Variants in PPP2R3A observed in about 807,000 individuals in gnomAD.
PPP2R3A encodes the protein serine/threonine-protein phosphatase 2A regulatory subunit B'' subunit alpha.
Under a neutral mutation model 106.9 loss-of-function variants are expected in PPP2R3A, and 80 were observed. The ratio of observed to expected loss-of-function variants is 0.75; its 90% CI spans 0.62 to 0.90. The LOEUF (loss-of-function observed/expected upper bound fraction) is 0.90, where lower values mean the gene tolerates loss of function less well. Ranked by LOEUF, PPP2R3A falls within the 40% of genes least tolerant of loss-of-function variation. The probability of loss-of-function intolerance (pLI) is 0.00; values close to 1 mark genes in which losing one functional copy is unlikely to be tolerated. For synonymous variants in PPP2R3A, 483 were observed against 468.3 expected (o/e 1.03, Z -0.41); for missense variants, 1,386 against 1,350.4 (o/e 1.03, Z -0.41).
intron 2 of PPP2R3A, among the ~76,000 whole-genome samples, chr3:136,015,761 A>C (rs1289096409): frequency 6.6e-6 from 1 of 151,076 alleles, no homozygotes; most frequent in African/African-American, 2.4e-5. Context: ...TTTTCAAAGA[A>C]CCAGCTTTTT....
intron 2 of PPP2R3A, among the ~76,000 whole-genome samples, chr3:136,025,449 C>G (rs1314210439): frequency 6.6e-6 from 1 of 151,974 alleles, no homozygotes; most frequent in South Asian, 2.1e-4. Context: ...AATATATGAG[C>G]AGACTCCATT....
intron 3 of PPP2R3A, among the ~76,000 whole-genome samples, chr3:136,039,536 A>G (rs778024756): frequency 1.3e-5 from 2 of 152,128 alleles, no homozygotes; most frequent in Non-Finnish European, 2.9e-5. Context: ...CATGCGTTAG[A>G]TAGAGTGCAC....
intron 6 of PPP2R3A, among the ~76,000 whole-genome samples, chr3:136,075,450 T>C (rs1936563194): frequency 6.6e-6 from 1 of 152,208 alleles, no homozygotes; most frequent in Non-Finnish European, 1.5e-5. Flanking sequence ...GAATCAGTGA[T>C]GTGGAAACCA....
intron 1 of PPP2R3A, among the ~76,000 whole-genome samples, chr3:135,976,631 T>C (rs1937429300): frequency 6.6e-6 from 1 of 152,200 alleles, no homozygotes; most frequent in Non-Finnish European, 1.5e-5. Context: ...AAAAATGGCA[T>C]ATTTCCTCCA....
intron 4 of PPP2R3A, among the ~76,000 whole-genome samples, chr3:136,047,264 C>T (rs189668944): frequency 1.8e-4 from 27 of 152,298 alleles, no homozygotes; most frequent in Non-Finnish European, 2.8e-4. Flanking sequence ...ACAGAGTTTA[C>T]ATTTCAATCC....
rs183444039 is a variant in PPP2R3A, at chr3:136,084,411, G to A, written c.2788+1990G>A. Among the ~76,000 whole-genome samples the A allele has an allele frequency of 1.6e-4, 25 of 152,348 alleles. No individual in the cohort carries two copies. The East Asian group carries it at 4.6e-3, about 28-fold the overall frequency. ...TGGGAACCTCCACCTAGATTTCAGA[G>A]GATGTATAAAAACACCTGGATGTCC... On this transcript the variant is annotated intron_variant, in intron 8 of 13. Transcript: ENST00000264977.
chr3:136,141,610 C>T (rs1172759846), intron 13 of PPP2R3A, among the ~76,000 whole-genome samples: 1 of 152,166 alleles, frequency 6.6e-6, no homozygotes, highest in East Asian at 1.9e-4. Flanking sequence ...AGTGAATAAT[C>T]AGAAAACCTG....
At chr3:136,140,459 A>C (rs1352806095) in intron 13 of PPP2R3A, among the ~76,000 whole-genome samples, 1 of 150,960 alleles carries the variant, frequency 6.6e-6, no homozygotes, top group Non-Finnish European at 1.5e-5. Context: ...AAAAAAAAAA[A>C]AAAAACCCGG....
chr3:135,999,434 A>G (rs1160523506), intron 1 of PPP2R3A, among the ~76,000 whole-genome samples: 1 of 152,202 alleles, frequency 6.6e-6, no homozygotes, highest in Non-Finnish European at 1.5e-5. Context: ...ATTAGATTCC[A>G]TGTCTAAGAT....
chr3:136,015,037 A>C (rs901797311), intron 2 of PPP2R3A, among the ~76,000 whole-genome samples: 4 of 152,100 alleles, frequency 2.6e-5, no homozygotes, highest in South Asian at 2.1e-4. Flanking sequence ...TCATAAAGGG[A>C]TGCTGGATTT....
intron 13 of PPP2R3A, among the ~76,000 whole-genome samples, chr3:136,108,518 A>G (rs372301296): frequency 3.5e-4 from 53 of 152,304 alleles, no homozygotes; most frequent in African/African-American, 1.0e-3. Context: ...AAAAGAATAT[A>G]TGAAATAGTA....
At chr3:136,107,431 CTTTTTTTTTTTTTTTT>C (rs11324496) in intron 13 of PPP2R3A, among the ~76,000 whole-genome samples, 4 of 71,428 alleles carry the variant, frequency 5.6e-5, no homozygotes, top group Non-Finnish European at 7.6e-5. Context: ...TACATGAATT[CTTTTTTTTTTTTTTTT>C]TTTTTTTTGA....
chr3:136,122,912 A>G (rs899700212), intron 13 of PPP2R3A, among the ~76,000 whole-genome samples: 3 of 152,234 alleles, frequency 2.0e-5, no homozygotes, highest in African/African-American at 7.2e-5. Flanking sequence ...AATTATAAAA[A>G]TTTAAATTGA....
At chr3:136,112,833 AT>A (rs1446855233) in intron 13 of PPP2R3A, among the ~76,000 whole-genome samples, 1 of 152,144 alleles carries the variant, frequency 6.6e-6, no homozygotes, top group Non-Finnish European at 1.5e-5. Flanking sequence ...GAAAAAAACT[AT>A]TACAAAATTC....
At chr3:136,126,096 C>T (rs12695644) in intron 13 of PPP2R3A, among the ~76,000 whole-genome samples, 37,063 of 152,110 alleles carry the variant, frequency 0.24, 4,796 homozygotes, top group Non-Finnish European at 0.27. Context: ...GGGTGATTTC[C>T]GCATTTCCAA....
intron 3 of PPP2R3A, among the ~76,000 whole-genome samples, chr3:136,040,330 G>T (rs919264366): frequency 2.6e-5 from 4 of 152,082 alleles, no homozygotes; most frequent in Non-Finnish European, 5.9e-5. Context: ...ATTTGAGATC[G>T]GAAGGTCAAG....
At position 136,002,260 on chromosome 3, in the gene PPP2R3A, A is replaced by G. The variant is rs770741346; in HGVS notation, c.762A>G (p.Ile254Met). ...GCACAGACATCATAAAACAATGCAT[A>G]AAGAAAAAATCAGGGAGTAGCATCA... The part of the protein sequence containing the change: ...KKCTDIIKQC[I>M]KKKSGSSISE... The change falls in exon 2 of 14, where the codon ATA becomes ATG. Residue 254 changes from isoleucine (I) to methionine (M), a missense_variant. Physicochemically the swap from Ile to Met is conservative, Grantham distance 10 (BLOSUM62 1). Transcript: ENST00000264977. 2 of 1,613,816 alleles carry G rather than the reference A, an allele frequency of 1.2e-6. No individual in the cohort carries two copies. The highest frequency in any genetic ancestry group is 1.7e-6 in the Non-Finnish European group (2 of 1,179,934).
chr3:136,112,936 C>T (rs2107985700), intron 13 of PPP2R3A, among the ~76,000 whole-genome samples: 1 of 152,070 alleles, frequency 6.6e-6, no homozygotes, highest in East Asian at 1.9e-4. Context: ...AGTTCAAGAC[C>T]AGCCTGGCCA....
intron 13 of PPP2R3A, among the ~76,000 whole-genome samples, chr3:136,130,498 T>C (rs1047016422): frequency 2.0e-5 from 3 of 152,054 alleles, no homozygotes; most frequent in Admixed American, 1.3e-4. Context: ...CACTGCTCAA[T>C]GAAATAAAAG....
Sources: allele counts gnomAD v4.1 joint callset (sites outside exome capture counted in the v4.1 genomes callset), GRCh38; gene constraint gnomAD v4.1.1; transcripts MANE v1.5; gene names NCBI Gene and HGNC (gene_info 2026-07-23, HGNC 2026-07-21).